The following CACNG5 variants were observed in gnomAD, a reference collection of about 807,000 sequenced individuals.
CACNG5 encodes voltage-dependent calcium channel gamma-5 subunit.
In CACNG5, 18 loss-of-function variants were observed where a neutral mutation model predicts 24.8. That is an observed-to-expected ratio of 0.73 (90% CI 0.50 to 1.08). CACNG5 has a LOEUF of 1.08. Among genes scored for constraint, CACNG5 ranks in the 50% least tolerant of loss-of-function variants. The pLI is 0.00. For missense variants in CACNG5, 349 were observed against 367.9 expected (o/e 0.95, Z 0.42); for synonymous variants, 157 against 149.1 (o/e 1.05, Z -0.39).
In CACNG5 at chr17:66,880,378, G is replaced by T. The variant is rs577405119; in HGVS notation, c.284-179G>T. Among the ~76,000 whole-genome samples the T allele has an allele frequency of 1.6e-4, 24 of 152,316 alleles. No individual in the cohort carries two copies. In the South Asian group the frequency reaches 4.1e-3, roughly 26 times the overall value. ...TTCCGGGCCCACCTCAGGGACAAAA[G>T]CCCTGCTAGTAATGGGAGATCCCCA... On this transcript the variant is annotated intron_variant, in intron 3 of 5. Coordinates refer to ENST00000533854, the MANE Select transcript of CACNG5 (RefSeq NM_145811.3).
chr17:66,885,792 CT>C lies in CACNG5; in HGVS notation c.*553del, dbSNP rs1285773562. ...CTGAACTCCTTTCTCCTTGTCACCC[CT>C]GTCCCTCCACATGACACACCTGTCC... On this transcript the variant is annotated 3_prime_UTR_variant, in exon 6 of 6. Coordinates refer to ENST00000533854, the MANE Select transcript of CACNG5 (RefSeq NM_145811.3). 1.3e-5 allele frequency among the ~76,000 whole-genome samples: 2 copies of C among 152,200 alleles called. No individual in the cohort carries two copies. Among genetic ancestry groups the C allele is most frequent in the African/African-American group, 2.4e-5 (1 of 41,454 alleles).
chr17:66,837,128 G>A (rs1287617516), intron 1 of CACNG5, among the ~76,000 whole-genome samples: 1 of 152,216 alleles, frequency 6.6e-6, no homozygotes, highest in Admixed American at 6.5e-5. Context: ...ATGAATGAAT[G>A]ACAGTGTCCA....
intron 1 of CACNG5, among the ~76,000 whole-genome samples, chr17:66,841,670 C>A (rs942874750): frequency 1.3e-5 from 2 of 152,170 alleles, no homozygotes; most frequent in South Asian, 4.1e-4. Context: ...GGATGGGCAA[C>A]AGGAGACCGG....
chr17:66,864,229 A>G (rs1976900332), intron 1 of CACNG5, among the ~76,000 whole-genome samples: 1 of 152,202 alleles, frequency 6.6e-6, no homozygotes, highest in African/African-American at 2.4e-5. Context: ...AGGCGGATCT[A>G]TTACTTGCTC....
At chr17:66,853,120 C>T (rs1220162236) in intron 1 of CACNG5, among the ~76,000 whole-genome samples, 1 of 152,152 alleles carries the variant, frequency 6.6e-6, no homozygotes, top group Non-Finnish European at 1.5e-5. Flanking sequence ...AGCAACCATG[C>T]CCAGCTGTGT....
chr17:66,887,234 C>T lies in CACNG5; in HGVS notation c.*1994C>T, dbSNP rs1977274043. Among the ~76,000 whole-genome samples the T allele has an allele frequency of 6.6e-6, 1 of 152,076 alleles. No homozygotes were observed. The highest frequency in any genetic ancestry group is 6.6e-5 in the Admixed American group (1 of 15,266). On this transcript the variant is annotated 3_prime_UTR_variant, in exon 6 of 6. Transcript: ENST00000533854. ...GGTCCCAATTCAGCCACTCATTCAC[C>T]ACGAATCCTTGGGCAACACCCTTCC...
chr17:66,865,908 T>C (rs1240975533), intron 1 of CACNG5, among the ~76,000 whole-genome samples: 1 of 151,684 alleles, frequency 6.6e-6, no homozygotes, highest in Non-Finnish European at 1.5e-5. Flanking sequence ...CCCAAAGTGC[T>C]GGGATTACAG....
At chr17:66,839,026 A>G (rs1179556448) in intron 1 of CACNG5, among the ~76,000 whole-genome samples, 1 of 140,372 alleles carries the variant, frequency 7.1e-6, no homozygotes, top group Admixed American at 7.5e-5. Context: ...CAGTGGTGCA[A>G]TCCTGGCTCA....
chr17:66,846,329 C>T (rs12942028), intron 1 of CACNG5, among the ~76,000 whole-genome samples: 21,920 of 152,124 alleles, frequency 0.14, 1,896 homozygotes, highest in East Asian at 0.38. Flanking sequence ...TTGTGCAACT[C>T]TCAGCATTCT....
In CACNG5 at chr17:66,885,095, C is replaced by T; in HGVS notation, c.683C>T (p.Ser228Leu). The T allele has an allele frequency of 6.2e-7, 1 of 1,614,210 alleles. No individual in the cohort carries two copies. Among genetic ancestry groups the T allele is most frequent in the Non-Finnish European group, 8.5e-7 (1 of 1,180,026 alleles). The change falls in exon 6 of 6, where the codon TCA becomes TTA. Residue 228 changes from serine to leucine, a missense_variant. Coordinates refer to ENST00000533854, the MANE Select transcript of CACNG5 (RefSeq NM_145811.3). ...RPRLSNCSDY[S>L]GQFLHPDAWV... is the part of the protein sequence containing the mutation. ...CGGCTGAGCAACTGCTCCGATTACT[C>T]AGGCCAGTTCCTACACCCAGACGCC...
In CACNG5 at chr17:66,887,040, C is replaced by A. The variant is rs1056279624; in HGVS notation, c.*1800C>A. Among the ~76,000 whole-genome samples the A allele has an allele frequency of 6.6e-6, 1 of 152,190 alleles. No homozygotes were observed. The highest frequency in any genetic ancestry group is 1.5e-5 in the Non-Finnish European group (1 of 68,038). ...TGGTGGTTAATTTTCATGAAATAACCTCTTTAAAGGCTCTATCTCCAAATA... is the reference window on the plus strand; with the variant it reads ...TGGTGGTTAATTTTCATGAAATAACATCTTTAAAGGCTCTATCTCCAAATA... On this transcript the variant is annotated 3_prime_UTR_variant, in exon 6 of 6. Transcript: ENST00000533854.
At chr17:66,843,298 G>T (rs950943750) in intron 1 of CACNG5, among the ~76,000 whole-genome samples, 1 of 152,160 alleles carries the variant, frequency 6.6e-6, no homozygotes, top group Non-Finnish European at 1.5e-5. Context: ...AGAAGTAAAG[G>T]CACCAAACAA....
rs556747779 is a variant in CACNG5, at chr17:66,873,805, CT to C, written c.-103-3415del. On this transcript the variant is annotated intron_variant, in intron 1 of 5. Coordinates refer to ENST00000533854, the MANE Select transcript of CACNG5 (RefSeq NM_145811.3). Reference sequence around the variant, plus strand: ...AAGTGGGTTTCACAGAACATGATGTCTTTTTTTTTTCTTTGCTCAAATAAGT... The same window carrying C: ...AAGTGGGTTTCACAGAACATGATGTCTTTTTTTTTCTTTGCTCAAATAAGT... 2.0e-3 allele frequency among the ~76,000 whole-genome samples: 301 copies of C among 149,650 alleles called. 4 individuals are homozygous for C. The highest frequency in any genetic ancestry group is 6.4e-3 in the African/African-American group (260 of 40,864).
At chr17:66,883,773 A>G (rs560423758) in intron 4 of CACNG5, among the ~76,000 whole-genome samples, 30 of 152,224 alleles carry the variant, frequency 2.0e-4, no homozygotes, top group Non-Finnish European at 4.0e-4. Context: ...ATCTCTGCCC[A>G]TGGGGCGTAT....
intron 5 of CACNG5, 121 bp downstream of exon 5, chr17:66,884,782 C>T (rs990969587): frequency 6.2e-7 from 1 of 1,613,394 alleles, no homozygotes; most frequent in African/African-American, 1.3e-5. Context: ...GGACCACCCA[C>T]TCTACTTCCC....
intron 1 of CACNG5, among the ~76,000 whole-genome samples, chr17:66,845,003 T>C (rs1568061918): frequency 6.6e-6 from 1 of 152,206 alleles, no homozygotes; most frequent in Admixed American, 6.5e-5. Context: ...TGTATGTTTA[T>C]TGCAGCACTA....
chr17:66,862,813 C>T (rs1353692444), intron 1 of CACNG5, among the ~76,000 whole-genome samples: 1 of 150,680 alleles, frequency 6.6e-6, no homozygotes, highest in Non-Finnish European at 1.5e-5. Context: ...TGGATTCCAC[C>T]AAATAGATAT....
At chr17:66,853,545 G>A (rs1238762422) in intron 1 of CACNG5, among the ~76,000 whole-genome samples, 2 of 152,184 alleles carry the variant, frequency 1.3e-5, no homozygotes, top group Non-Finnish European at 2.9e-5. Context: ...ATTCTAGTAT[G>A]TGCGTAATGG....
rs1181581583 is a variant in CACNG5 at position 66,879,023 on chromosome 17, C to T, written c.248C>T (p.Thr83Ile). Residue 83 changes from threonine to isoleucine, a missense_variant, in exon 3 of 6, where the codon ACC (threonine) becomes ATC (isoleucine). Transcript: ENST00000533854. ...ATAGAATATGTGATGCCCATGAACACCCAGCTGACATCCGAGTCCACGGTC... is the reference window on the plus strand; with the variant it reads ...ATAGAATATGTGATGCCCATGAACATCCAGCTGACATCCGAGTCCACGGTC... ...FTIEYVMPMN[T>I]QLTSESTVNV... 1 of 1,613,984 alleles carries T rather than the reference C, an allele frequency of 6.2e-7. No homozygotes were observed. The highest frequency in any genetic ancestry group is 1.7e-5 in the Admixed American group (1 of 59,998).
Sources: gnomAD v4.1 joint callset for allele counts (sites outside exome capture counted in the v4.1 genomes callset) on GRCh38, gnomAD v4.1.1 for gene constraint, MANE v1.5 for transcripts, NCBI Gene and HGNC (gene_info 2026-07-23, HGNC 2026-07-21) for gene names.